Variants in KCMF1 observed in about 807,000 individuals in gnomAD.
KCMF1 encodes the protein potassium channel modulatory factor 1.
A neutral mutation model predicts 41.1 loss-of-function variants in KCMF1; 3 were observed. The observed-to-expected ratio is 0.07, with a 90% CI of 0.03 to 0.19. KCMF1 has a LOEUF of 0.19. KCMF1 is among the 10% of genes least tolerant of loss of function. The pLI is 1.00. For missense variants in KCMF1, 286 were observed against 488.9 expected, an observed-to-expected ratio of 0.58 and a Z score of 3.91; for synonymous variants, 142 against 164.5, an observed-to-expected ratio of 0.86 and a Z score of 1.04.
intron 6 of KCMF1, among the ~76,000 whole-genome samples, chr2:85,052,711 A>T (rs1478989953): frequency 6.6e-6 from 1 of 152,172 alleles, no homozygotes; most frequent in East Asian, 1.9e-4. Context: ...AGTCAGAGGA[A>T]ATCTTAGGAT....
chr2:85,029,009 G>A (rs191281883), intron 2 of KCMF1, among the ~76,000 whole-genome samples: 10 of 151,682 alleles, frequency 6.6e-5, no homozygotes, highest in Admixed American at 4.6e-4. Context: ...TCACTCTGTC[G>A]CCCACGCTGG....
In KCMF1 at chr2:84,979,416, C is replaced by T. The variant is rs553654922; in HGVS notation, c.16+7949C>T. On this transcript the variant is annotated intron_variant, in intron 1 of 6. Coordinates refer to ENST00000409785, the MANE Select transcript of KCMF1 (RefSeq NM_020122.5). ...GCAGGCGCCTGTAATCCCAGCTACT[C>T]GGGAGGCTGAGGCAGGAGAATCTCT... is the stretch of plus-strand genomic sequence containing the variant. 4.0e-5 allele frequency among the ~76,000 whole-genome samples: 6 copies of T among 151,282 alleles called. No individual in the cohort carries two copies. The South Asian group carries it at 1.0e-3, about 26-fold the overall frequency.
chr2:84,980,257 G>C (rs915210707), intron 1 of KCMF1, among the ~76,000 whole-genome samples: 3 of 152,184 alleles, frequency 2.0e-5, no homozygotes, highest in African/African-American at 7.2e-5. Flanking sequence ...GAAAAGATAG[G>C]CTGTTCTTGG....
At chr2:84,998,917 C>CTATCTAT (rs1674247826) in intron 1 of KCMF1, among the ~76,000 whole-genome samples, 1 of 96,106 alleles carries the variant, frequency 1.0e-5, no homozygotes, top group African/African-American at 5.5e-5. Context: ...GGGCCTCTTA[C>CTATCTAT]CTATCTATCT....
At chr2:84,999,021 T>C (rs1354281726) in intron 1 of KCMF1, among the ~76,000 whole-genome samples, 179 of 24,578 alleles carry the variant, frequency 7.3e-3, no homozygotes, top group Middle Eastern at 0.042. Flanking sequence ...CACCCACCCA[T>C]CCATCCATCC....
chr2:85,004,737 C>G (rs956802481), intron 1 of KCMF1, among the ~76,000 whole-genome samples: 1 of 152,196 alleles, frequency 6.6e-6, no homozygotes, highest in East Asian at 1.9e-4. Context: ...CCGGTCATGC[C>G]TCAGTCTTCT....
chr2:85,046,447 T>A (rs1675669579), intron 5 of KCMF1, among the ~76,000 whole-genome samples, 169 bp downstream of exon 5: 1 of 152,034 alleles, frequency 6.6e-6, no homozygotes, highest in Non-Finnish European at 1.5e-5. Context: ...CTGGCCAACA[T>A]GGCAAAACTC....
intron 1 of KCMF1, among the ~76,000 whole-genome samples, chr2:84,998,783 TG>T (rs1220840632): frequency 1.3e-5 from 2 of 150,206 alleles, no homozygotes; most frequent in Admixed American, 6.6e-5. Context: ...TTTTTTTTTT[TG>T]TATTTTTAGT....
chr2:85,019,684 A>G (rs1001413733), intron 1 of KCMF1, among the ~76,000 whole-genome samples: 1 of 152,060 alleles, frequency 6.6e-6, no homozygotes, highest in Non-Finnish European at 1.5e-5. Context: ...CTTATGTTGT[A>G]AGAAACCCTG....
chr2:85,045,975 C>CT (rs1675657968), intron 4 of KCMF1, 129 bp from the exon 5 acceptor site: 3 of 756,756 alleles, frequency 4.0e-6, no homozygotes, highest in Non-Finnish European at 6.3e-6. Context: ...GACATTTGCA[C>CT]TTTAAGTTAA....
chr2:84,988,386 A>G (rs1180207159), intron 1 of KCMF1, among the ~76,000 whole-genome samples: 1 of 152,234 alleles, frequency 6.6e-6, no homozygotes, highest in African/African-American at 2.4e-5. Flanking sequence ...AGCATTTCAC[A>G]TGTACCAACT....
intron 1 of KCMF1, among the ~76,000 whole-genome samples, chr2:85,011,844 T>C (rs976663590): frequency 9.2e-5 from 14 of 152,246 alleles, no homozygotes; most frequent in East Asian, 1.9e-4. Context: ...TCCTGTGTTT[T>C]GTAGGATGTT....
intron 1 of KCMF1, among the ~76,000 whole-genome samples, chr2:84,989,890 A>G (rs1336632810): frequency 1.3e-5 from 2 of 152,212 alleles, no homozygotes; most frequent in Non-Finnish European, 2.9e-5. Flanking sequence ...AGAGGTGTCC[A>G]TTGTTGTAGA....
intron 1 of KCMF1, among the ~76,000 whole-genome samples, chr2:85,011,637 G>A (rs1474278473): frequency 6.6e-6 from 1 of 152,134 alleles, no homozygotes; most frequent in Non-Finnish European, 1.5e-5. Context: ...CGCTAGTATT[G>A]GAGCTCTGGA....
chr2:85,053,517 T>C lies in KCMF1; in HGVS notation c.*108T>C. 2 of 1,090,374 alleles carry C rather than the reference T, an allele frequency of 1.8e-6. No individual in the cohort carries two copies. The highest frequency in any genetic ancestry group is 2.6e-5 in the East Asian group (1 of 38,780). 67.5% of individuals were successfully genotyped at this position (1,090,374 alleles called of 1,614,324 possible). A position where few individuals can be genotyped will look rare whatever the true frequency, so the allele number is the denominator to read the frequency against. On this transcript the variant is annotated 3_prime_UTR_variant, in exon 7 of 7. Transcript: ENST00000409785. Reference sequence around the variant, plus strand: ...GATTGTAATTTCAGGTCTGTCACTCTTGTTACATTGTGTACATTCAAAAGG... The same window carrying C: ...GATTGTAATTTCAGGTCTGTCACTCCTGTTACATTGTGTACATTCAAAAGG...
Position 84,994,351 on chromosome 2 carries a change from T to G in KCMF1, c.16+22884T>G, listed in dbSNP as rs140071223. Among the ~76,000 whole-genome samples, 31 of 152,314 alleles carry G rather than the reference T, an allele frequency of 2.0e-4. No individual in the cohort carries two copies. The East Asian group carries it at 5.6e-3, about 27-fold the overall frequency. On this transcript the variant is annotated intron_variant, in intron 1 of 6. Coordinates refer to ENST00000409785, the MANE Select transcript of KCMF1 (RefSeq NM_020122.5). ...CTGGATAGTGATGCACTACACACAC[T>G]TGTGTGTGTATATGGAATTGCAATG...
At chr2:85,012,080 A>G (rs1674666736) in intron 1 of KCMF1, among the ~76,000 whole-genome samples, 1 of 152,184 alleles carries the variant, frequency 6.6e-6, no homozygotes, top group Non-Finnish European at 1.5e-5. Flanking sequence ...TGAAATGTAG[A>G]GGAAGGGCAA....
chr2:84,989,846 G>A (rs1168821333), intron 1 of KCMF1, among the ~76,000 whole-genome samples: 2 of 152,158 alleles, frequency 1.3e-5, no homozygotes, highest in Admixed American at 1.3e-4. Context: ...GATGTCCAGG[G>A]GGATTTGAAC....
chr2:84,988,946 T>C (rs1359653651), intron 1 of KCMF1, among the ~76,000 whole-genome samples: 1 of 152,198 alleles, frequency 6.6e-6, no homozygotes, highest in African/African-American at 2.4e-5. Context: ...GGTAAATCTT[T>C]ATGGGCACTG....
Sources: allele counts gnomAD v4.1 joint callset (sites outside exome capture counted in the v4.1 genomes callset), GRCh38; gene constraint gnomAD v4.1.1; transcripts MANE v1.5; gene names NCBI Gene and HGNC (gene_info 2026-07-23, HGNC 2026-07-21).